SNX29: variants seen among roughly 807,000 people sequenced by gnomAD.
SNX29 encodes the protein sorting nexin 29.
A neutral mutation model predicts 102.1 loss-of-function variants in SNX29; 78 were observed. The ratio of observed to expected loss-of-function variants is 0.76; its 90% CI spans 0.64 to 0.92. The LOEUF is 0.92. Among genes scored for constraint, SNX29 ranks in the 40% least tolerant of loss-of-function variants. The pLI, the probability that SNX29 is intolerant of heterozygous loss-of-function variation, is 0.00. For missense variants in SNX29, 1,280 were observed against 1,061.7 expected (o/e 1.21, Z -2.86); for synonymous variants, 580 against 414.5 (o/e 1.40, Z -4.85).
intron 18 of SNX29, among the ~76,000 whole-genome samples, chr16:12,472,689 C>T (rs971108435): frequency 2.6e-5 from 4 of 152,102 alleles, no homozygotes; most frequent in African/African-American, 9.7e-5. Flanking sequence ...GAAAGCGTCT[C>T]CTTGAGACCT....
At chr16:12,217,438 G>C (rs1356487772) in intron 14 of SNX29, among the ~76,000 whole-genome samples, 1 of 152,218 alleles carries the variant, frequency 6.6e-6, no homozygotes, top group Non-Finnish European at 1.5e-5. Context: ...GTTCAGTGGA[G>C]ACATGTGAAA....
intron 1 of SNX29, 121 bp downstream of exon 1, chr16:11,976,934 T>C: frequency 8.2e-7 from 1 of 1,223,548 alleles, no homozygotes; most frequent in Non-Finnish European, 1.0e-6. Flanking sequence ...TCCCAGTCGC[T>C]CCCTTTTCCA....
At chr16:12,089,341 A>T (rs78397872) in intron 11 of SNX29, among the ~76,000 whole-genome samples, 4,005 of 152,108 alleles carry the variant, frequency 0.026, 163 homozygotes, top group African/African-American at 0.092. Context: ...AAAATAAAAT[A>T]AAAAAATTAA....
At chr16:12,198,935 T>C (rs2076846659) in intron 13 of SNX29, among the ~76,000 whole-genome samples, 1 of 152,178 alleles carries the variant, frequency 6.6e-6, no homozygotes. Flanking sequence ...TTTGTCCTCA[T>C]GTTCTGTTGT....
At chr16:12,567,600 T>C (rs1434376234) in intron 20 of SNX29, among the ~76,000 whole-genome samples, 1 of 151,964 alleles carries the variant, frequency 6.6e-6, no homozygotes, top group African/African-American at 2.4e-5. Context: ...AGACCCCATC[T>C]CTACAAAAAA....
intron 20 of SNX29, 127 bp from the exon 21 acceptor site, chr16:12,568,379 G>T: frequency 7.9e-7 from 1 of 1,266,140 alleles, no homozygotes; most frequent in Non-Finnish European, 1.1e-6. Context: ...GTTAGAGGCA[G>T]ATCCAATGAG....
intron 20 of SNX29, among the ~76,000 whole-genome samples, chr16:12,553,176 A>C (rs921693077): frequency 3.9e-5 from 6 of 152,150 alleles, no homozygotes; most frequent in Non-Finnish European, 4.4e-5. Flanking sequence ...TTGGATCTTT[A>C]AGTCAGTATA....
rs33931845 is a variant in SNX29 at position 12,537,984 on chromosome 16, C to CAA, written c.2318+13161_2318+13162dup. 1.0e-4 allele frequency among the ~76,000 whole-genome samples: 13 copies of CAA among 128,052 alleles called. No individual in the cohort carries two copies. The East Asian group carries it at 1.3e-3, about 13-fold the overall frequency. 84.0% of individuals were successfully genotyped at this position (128,052 alleles called of 152,430 possible). A position where few individuals can be genotyped will look rare whatever the true frequency, so the allele number is the denominator to read the frequency against. On this transcript the variant is annotated intron_variant, in intron 20 of 20. Transcript: ENST00000566228. ...TGGGCAATAGAGCAAAACTCCGTTT[C>CAA]AAAAAAAAAAAAAAAAAAATTGTCT...
chr16:12,136,341 T>C (rs2054660282), intron 13 of SNX29, among the ~76,000 whole-genome samples: 1 of 152,234 alleles, frequency 6.6e-6, no homozygotes, highest in Non-Finnish European at 1.5e-5. Flanking sequence ...GTCCGACCCT[T>C]ACCTAGGGAA....
rs555182131 is a variant in SNX29 at position 12,574,285 on chromosome 16, G to A, written c.*5656G>A. On this transcript the variant is annotated 3_prime_UTR_variant, in exon 21 of 21. Coordinates refer to ENST00000566228, the MANE Select transcript of SNX29 (RefSeq NM_032167.5). ...GACATTTTATAAATTAGATACTTCA[G>A]TGGATGGTCTCTGTCTCAGTTCTTT... 1 of 172,166 alleles carries A rather than the reference G, an allele frequency of 5.8e-6. No homozygotes were observed. Among genetic ancestry groups the A allele is most frequent in the East Asian group, 1.0e-4 (1 of 9,528 alleles). The allele number at this position is 172,166 out of a possible 1,614,324, so 10.7% of individuals were successfully genotyped here.
At chr16:12,473,956 G>A (rs1344036321) in intron 18 of SNX29, among the ~76,000 whole-genome samples, 1 of 152,154 alleles carries the variant, frequency 6.6e-6, no homozygotes, top group African/African-American at 2.4e-5. Context: ...ATGGAGTAGC[G>A]ATTCTTTATT....
chr16:12,013,498 A>ATATAT (rs1555518776), intron 3 of SNX29, among the ~76,000 whole-genome samples: 2 of 33,504 alleles, frequency 6.0e-5, no homozygotes, highest in Admixed American at 4.3e-4. Flanking sequence ...GAAAAAAAAA[A>ATATAT]AAATATATAT....
At chr16:12,120,706 G>T (rs367701555) in intron 11 of SNX29, among the ~76,000 whole-genome samples, 2 of 152,190 alleles carry the variant, frequency 1.3e-5, no homozygotes, top group Admixed American at 6.5e-5. Flanking sequence ...CTGGAGGCTG[G>T]TCCCTGCTCC....
In SNX29 at chr16:11,981,720, G is replaced by A. The variant is rs750208168; in HGVS notation, c.7+4907G>A. Among the ~76,000 whole-genome samples, 12 of 152,198 alleles carry A rather than the reference G, an allele frequency of 7.9e-5. No homozygotes were observed. The East Asian group carries it at 9.6e-4, about 12-fold the overall frequency. On this transcript the variant is annotated intron_variant, in intron 1 of 20. Transcript: ENST00000566228. ...ACAAATAACCAGGCAGTGGAATGGC[G>A]CTAGGTAATATATATATACAAGATA...
intron 10 of SNX29, among the ~76,000 whole-genome samples, chr16:12,078,509 G>A (rs897473165): frequency 6.6e-6 from 1 of 152,176 alleles, no homozygotes; most frequent in Admixed American, 6.5e-5. Flanking sequence ...CTTGTTTACG[G>A]TGTGAGATCT....
Position 12,002,971 on chromosome 16 carries a change from C to T in SNX29, c.70-20C>T, listed in dbSNP as rs985620544. On this transcript the variant is annotated intron_variant, in intron 2 of 20. Transcript: ENST00000566228. ...GTCCCATCCCAACAGCTGATCTCAG[C>T]AGCTTCTTTTTCTGTGCAGTGCCAG... 6.2e-7 allele frequency: 1 copy of T among 1,614,046 alleles called. No individual in the cohort carries two copies.
chr16:12,533,273 C>A (rs1482267877), intron 20 of SNX29, among the ~76,000 whole-genome samples: 1 of 152,246 alleles, frequency 6.6e-6, no homozygotes, highest in Non-Finnish European at 1.5e-5. Context: ...TTTGCAGAAT[C>A]CGTAGCAGCT....
intron 18 of SNX29, among the ~76,000 whole-genome samples, chr16:12,460,365 T>C (rs2086726722): frequency 1.3e-5 from 2 of 152,254 alleles, no homozygotes; most frequent in South Asian, 2.1e-4. Flanking sequence ...AAGTCCATTA[T>C]ATTCTCACTG....
intron 15 of SNX29, among the ~76,000 whole-genome samples, chr16:12,333,810 A>G (rs557697363): frequency 6.6e-6 from 1 of 152,252 alleles, no homozygotes; most frequent in East Asian, 1.9e-4. Context: ...ACCCTGTAGG[A>G]TGGCTGAGGT....
Sources: gnomAD v4.1 joint callset for allele counts (sites outside exome capture counted in the v4.1 genomes callset) on GRCh38, gnomAD v4.1.1 for gene constraint, MANE v1.5 for transcripts, NCBI Gene and HGNC (gene_info 2026-07-23, HGNC 2026-07-21) for gene names.